ATP6V1H: variants seen among roughly 807,000 people sequenced by gnomAD.
ATP6V1H encodes the protein ATPase H+ transporting V1 subunit H.
A neutral mutation model predicts 71.7 loss-of-function variants in ATP6V1H; 39 were observed. The observed-to-expected ratio is 0.54, with a 90% confidence interval of 0.42 to 0.71. The LOEUF (loss-of-function observed/expected upper bound fraction) is 0.71. Among genes scored for constraint, ATP6V1H ranks in the 30% least tolerant of loss-of-function variants. ATP6V1H has a pLI of 0.00. For missense variants in ATP6V1H, 509 were observed against 594.9 expected, an observed-to-expected ratio of 0.86 and a Z score of 1.50; for synonymous variants, 192 against 199.3, an observed-to-expected ratio of 0.96 and a Z score of 0.31.
At chr8:53,744,108 CT>C (rs1441362018) in intron 12 of ATP6V1H, among the ~76,000 whole-genome samples, 1 of 152,000 alleles carries the variant, frequency 6.6e-6, no homozygotes, top group Non-Finnish European at 1.5e-5. Context: ...AGTGACCGTG[CT>C]GCGTGAAGAT....
In ATP6V1H at chr8:53,833,104, G is replaced by T. The variant is rs1811059379; in HGVS notation, c.114-18C>A. 1 of 1,593,648 alleles carries T rather than the reference G, an allele frequency of 6.3e-7. No individual in the cohort carries two copies. The highest frequency in any genetic ancestry group is 1.7e-5 in the Admixed American group (1 of 59,344). On this transcript the variant is annotated intron_variant, in intron 2 of 13. Coordinates refer to ENST00000359530, the MANE Select transcript of ATP6V1H (RefSeq NM_015941.4). ...TCTGTCCCCTAGAAAGTAAGAATAA[G>T]ATGTTTTGTTCAGTAAGAGTTGAAT...
chr8:53,718,884 G>C (rs1316079540), intron 13 of ATP6V1H, among the ~76,000 whole-genome samples: 1 of 152,170 alleles, frequency 6.6e-6, no homozygotes, highest in East Asian at 1.9e-4. Context: ...TGCACATCAG[G>C]GGCCCCAGGT....
At chr8:53,841,396 C>T (rs1381263270) in intron 2 of ATP6V1H, among the ~76,000 whole-genome samples, 182 bp downstream of exon 2, 1 of 152,180 alleles carries the variant, frequency 6.6e-6, no homozygotes, top group African/African-American at 2.4e-5. Context: ...CCCACTAGGG[C>T]GCCAAGCTGT....
intron 11 of ATP6V1H, among the ~76,000 whole-genome samples, chr8:53,759,798 C>G (rs988151398): frequency 1.3e-5 from 2 of 152,146 alleles, no homozygotes; most frequent in Non-Finnish European, 2.9e-5. Flanking sequence ...TTCAAAACTA[C>G]TAACATACAA....
At chr8:53,784,264 CT>C (rs1216114721) in intron 9 of ATP6V1H, among the ~76,000 whole-genome samples, 1 of 152,242 alleles carries the variant, frequency 6.6e-6, no homozygotes, top group Non-Finnish European at 1.5e-5. Context: ...GTTAGCTCTT[CT>C]TGTTGAATTC....
At chr8:53,797,731 G>T (rs1430930556) in intron 8 of ATP6V1H, among the ~76,000 whole-genome samples, 2 of 151,504 alleles carry the variant, frequency 1.3e-5, no homozygotes, top group African/African-American at 4.9e-5. Flanking sequence ...TGGGCATGGT[G>T]GCTCAAGCTG....
At chr8:53,788,602 A>G (rs188562185) in intron 9 of ATP6V1H, among the ~76,000 whole-genome samples, 2 of 152,200 alleles carry the variant, frequency 1.3e-5, no homozygotes, top group Non-Finnish European at 1.5e-5. Context: ...CTGTTATTTC[A>G]TGGATTCCTT....
intron 12 of ATP6V1H, 45 bp downstream of exon 12, chr8:53,756,510 C>T: frequency 6.7e-7 from 1 of 1,484,934 alleles, no homozygotes; most frequent in Non-Finnish European, 9.4e-7. Flanking sequence ...GGACTCTACA[C>T]TGAAGGTTTC....
chr8:53,740,356 G>A (rs1051072837), intron 13 of ATP6V1H, among the ~76,000 whole-genome samples: 4 of 152,092 alleles, frequency 2.6e-5, no homozygotes, highest in Non-Finnish European at 5.9e-5. Context: ...AAAACTTCAG[G>A]AATAATGCAA....
At chr8:53,748,832 A>C (rs996819484) in intron 12 of ATP6V1H, among the ~76,000 whole-genome samples, 3 of 152,246 alleles carry the variant, frequency 2.0e-5, no homozygotes, top group Non-Finnish European at 4.4e-5. Context: ...GATGACTATA[A>C]GTTAAAATAG....
intron 6 of ATP6V1H, 72 bp downstream of exon 6, chr8:53,814,590 T>A: frequency 1.2e-6 from 1 of 840,430 alleles, no homozygotes. Context: ...TTTAACATAT[T>A]TACTATAAAT....
chr8:53,808,578 G>A (rs1034864421), intron 7 of ATP6V1H, among the ~76,000 whole-genome samples: 8 of 152,152 alleles, frequency 5.3e-5, no homozygotes, highest in Admixed American at 3.9e-4. Context: ...GACCAGCCTG[G>A]ACAACATAGC....
At chr8:53,840,027 C>A in intron 2 of ATP6V1H, 1 of 557,760 alleles carries the variant, frequency 1.8e-6, no homozygotes, top group Non-Finnish European at 2.3e-6. Context: ...CCTTTGCTCA[C>A]ATTATCTGTT....
At chr8:53,799,371 T>G (rs1252130808) in intron 8 of ATP6V1H, among the ~76,000 whole-genome samples, 2 of 152,126 alleles carry the variant, frequency 1.3e-5, no homozygotes, top group African/African-American at 4.8e-5. Flanking sequence ...AATAGTGAAA[T>G]AAATAATTAC....
chr8:53,747,479 TTTA>T (rs1475121772), intron 12 of ATP6V1H, among the ~76,000 whole-genome samples: 1 of 151,534 alleles, frequency 6.6e-6, no homozygotes, highest in African/African-American at 2.4e-5. Flanking sequence ...CTCACTCTTT[TTTA>T]TTTTTTTTAC....
At chr8:53,805,164 A>T (rs1810040762) in intron 7 of ATP6V1H, among the ~76,000 whole-genome samples, 1 of 152,242 alleles carries the variant, frequency 6.6e-6, no homozygotes. Context: ...AGTGCAAACT[A>T]AGTGAAAAAG....
In ATP6V1H at chr8:53,832,970, T is replaced by C. The variant is rs376746622; in HGVS notation, c.216+14A>G. The C allele has an allele frequency of 1.5e-5, 24 of 1,572,450 alleles. No individual in the cohort carries two copies. Among genetic ancestry groups the C allele is most frequent in the East Asian group, 1.1e-4 (5 of 44,622 alleles). On this transcript the variant is annotated intron_variant, in intron 3 of 13. Transcript: ENST00000359530. ...ACACGGGGAAGTGTTCATTATATAA[T>C]GTTTATTCATCACCTGGCTGCCTTC... is the stretch of plus-strand genomic sequence containing the variant.
At chr8:53,724,607 C>CTCCTCCCCCCTCCCCCTCCT (rs1806743186) in intron 13 of ATP6V1H, among the ~76,000 whole-genome samples, 1 of 148,724 alleles carries the variant, frequency 6.7e-6, no homozygotes, top group Non-Finnish European at 1.5e-5. Context: ...CCCCGCCCCA[C>CTCCTCCCCCCTCCCCCTCCT]CCCGACAGCC....
At chr8:53,722,027 A>G (rs181675192) in intron 13 of ATP6V1H, among the ~76,000 whole-genome samples, 1 of 152,366 alleles carries the variant, frequency 6.6e-6, no homozygotes, top group East Asian at 1.9e-4. Context: ...AGTGTATTCT[A>G]AAAGCAATTT....
Sources: gnomAD v4.1 joint callset for allele counts (sites outside exome capture counted in the v4.1 genomes callset) on GRCh38, gnomAD v4.1.1 for gene constraint, MANE v1.5 for transcripts, NCBI Gene and HGNC (gene_info 2026-07-23, HGNC 2026-07-21) for gene names.